GPC6: variants seen among roughly 807,000 people sequenced by gnomAD.
GPC6 encodes the protein glypican-6.
GPC6 carries 14 observed loss-of-function variants against 55.2 expected under a neutral mutation model. The observed-to-expected ratio is 0.25, with a 90% CI of 0.17 to 0.40. GPC6 has a LOEUF of 0.40. Ranked by LOEUF, GPC6 falls within the 10% of genes least tolerant of loss-of-function variation. GPC6 has a pLI of 1.00. For synonymous variants in GPC6, 278 were observed against 259.6 expected, an observed-to-expected ratio of 1.07 and a Z score of -0.68; for missense variants, 641 against 708.5, an observed-to-expected ratio of 0.90 and a Z score of 1.08.
At chr13:93,879,028 C>A (rs1287658639) in intron 3 of GPC6, among the ~76,000 whole-genome samples, 1 of 151,952 alleles carries the variant, frequency 6.6e-6, no homozygotes, top group East Asian at 1.9e-4. Flanking sequence ...AAAGTGGGAG[C>A]CAGAAGAGTA....
chr13:93,231,411 A>ATATATATATACG (rs1876051623), intron 1 of GPC6, among the ~76,000 whole-genome samples: 1 of 37,856 alleles, frequency 2.6e-5, no homozygotes, highest in Non-Finnish European at 5.0e-5. Context: ...ATATATATAT[A>ATATATATATACG]TATATATATA....
At chr13:93,508,688 C>T (rs1203102125) in intron 1 of GPC6, among the ~76,000 whole-genome samples, 1 of 152,162 alleles carries the variant, frequency 6.6e-6, no homozygotes, top group Non-Finnish European at 1.5e-5. Flanking sequence ...ATGGTGAATT[C>T]ATTCTGTTCC....
rs79738970 is a variant in GPC6, at chr13:94,086,776, C to T, written c.877+58882C>T. On this transcript the variant is annotated intron_variant, in intron 4 of 8. Transcript: ENST00000377047. ...AACACCACTAGAAAACCAAAAATCT[C>T]GATTTTTTAATAATCTTTTTAAAAA... Among the ~76,000 whole-genome samples the T allele has an allele frequency of 5.9e-3, 889 of 151,910 alleles. 6 individuals carry two copies. Among genetic ancestry groups the T allele is most frequent in the Non-Finnish European group, 9.9e-3 (670 of 68,002 alleles).
At chr13:93,984,761 A>T (rs1298504427) in intron 3 of GPC6, among the ~76,000 whole-genome samples, 2 of 152,220 alleles carry the variant, frequency 1.3e-5, no homozygotes, top group Non-Finnish European at 2.9e-5. Context: ...TAAAAGGCAT[A>T]CTTAGGAATC....
At chr13:94,394,324 G>A in intron 7 of GPC6, among the ~76,000 whole-genome samples, 1 of 152,202 alleles carries the variant, frequency 6.6e-6, no homozygotes, top group East Asian at 1.9e-4. Flanking sequence ...TCTCCAGGTT[G>A]TCCTCACTTC....
In GPC6 at chr13:94,128,517, C is replaced by T. The variant is rs554339030; in HGVS notation, c.877+100623C>T. Among the ~76,000 whole-genome samples, 17 of 152,192 alleles carry T rather than the reference C, an allele frequency of 1.1e-4. No individual in the cohort carries two copies. In the East Asian group the frequency reaches 1.4e-3, roughly 12 times the overall value. On this transcript the variant is annotated intron_variant, in intron 4 of 8. Coordinates refer to ENST00000377047, the MANE Select transcript of GPC6 (RefSeq NM_005708.5). ...TACACTTGTGTCCTCACTTTGGATC[C>T]TAGGTGACATAGCAGTTGCTGTGTG...
chr13:93,821,458 C>T (rs572473779), intron 2 of GPC6, among the ~76,000 whole-genome samples: 1 of 152,252 alleles, frequency 6.6e-6, no homozygotes, highest in Admixed American at 6.5e-5. Flanking sequence ...GAAGCATTGT[C>T]CTGGGTGCTG....
intron 4 of GPC6, among the ~76,000 whole-genome samples, chr13:94,230,361 G>A (rs572774374): frequency 3.2e-4 from 49 of 151,780 alleles, no homozygotes; most frequent in African/African-American, 1.1e-3. Context: ...CAGCCCCACA[G>A]TGGATCTCAC....
chr13:93,726,935 G>T (rs902262366), intron 2 of GPC6, among the ~76,000 whole-genome samples: 1 of 152,092 alleles, frequency 6.6e-6, no homozygotes, highest in African/African-American at 2.4e-5. Context: ...GCAGGATAAT[G>T]TTGATGAGAG....
intron 6 of GPC6, among the ~76,000 whole-genome samples, chr13:94,343,430 T>G (rs774258741): frequency 6.6e-6 from 1 of 152,146 alleles, no homozygotes; most frequent in Non-Finnish European, 1.5e-5. Context: ...CAGCACGAGG[T>G]TGTTTAGCTT....
chr13:93,538,187 G>GT (rs1882135541), intron 1 of GPC6, among the ~76,000 whole-genome samples: 1 of 152,140 alleles, frequency 6.6e-6, no homozygotes, highest in African/African-American at 2.4e-5. Flanking sequence ...TTGTTAAGCT[G>GT]TCAGGGTAAC....
intron 2 of GPC6, among the ~76,000 whole-genome samples, chr13:93,557,427 C>T (rs139314297): frequency 1.4e-4 from 21 of 152,184 alleles, no homozygotes; most frequent in South Asian, 8.3e-4. Context: ...GAAGTACTTA[C>T]GTAAATTCTT....
intron 2 of GPC6, among the ~76,000 whole-genome samples, chr13:93,813,431 A>G (rs75445929): frequency 4.6e-5 from 7 of 152,100 alleles, no homozygotes; most frequent in East Asian, 1.9e-4. Flanking sequence ...GGATAATGTA[A>G]TCTCATATTT....
intron 1 of GPC6, among the ~76,000 whole-genome samples, chr13:93,282,603 A>C (rs1178681494): frequency 6.6e-6 from 1 of 152,164 alleles, no homozygotes; most frequent in Non-Finnish European, 1.5e-5. Flanking sequence ...TAGGGAGATT[A>C]ATTTTTACTA....
At chr13:93,975,558 C>A (rs7990667) in intron 3 of GPC6, among the ~76,000 whole-genome samples, 2 of 152,018 alleles carry the variant, frequency 1.3e-5, no homozygotes, top group African/African-American at 4.8e-5. Context: ...TAAACAGGTC[C>A]AATTTTTAGA....
intron 1 of GPC6, among the ~76,000 whole-genome samples, chr13:93,472,780 A>G (rs1879169431): frequency 6.6e-6 from 1 of 152,208 alleles, no homozygotes. Flanking sequence ...GCCATTCAGT[A>G]GGTCCGAGTT....
At chr13:93,339,720 C>A (rs553000666) in intron 1 of GPC6, among the ~76,000 whole-genome samples, 1 of 152,150 alleles carries the variant, frequency 6.6e-6, no homozygotes, top group Non-Finnish European at 1.5e-5. Flanking sequence ...TTAGTGCCAA[C>A]GGCTTCCCGG....
At chr13:93,878,780 G>C (rs1286769672) in intron 3 of GPC6, among the ~76,000 whole-genome samples, 2 of 152,064 alleles carry the variant, frequency 1.3e-5, no homozygotes, top group Non-Finnish European at 2.9e-5. Context: ...CTGGTATTTT[G>C]AACTTGGACT....
intron 4 of GPC6, among the ~76,000 whole-genome samples, chr13:94,053,167 G>T (rs1158058061): frequency 6.6e-6 from 1 of 152,144 alleles, no homozygotes; most frequent in Non-Finnish European, 1.5e-5. Flanking sequence ...GAAGCTAAAT[G>T]GTTTTTGCCA....
Sources: gnomAD v4.1 joint callset for allele counts (sites outside exome capture counted in the v4.1 genomes callset) on GRCh38, gnomAD v4.1.1 for gene constraint, MANE v1.5 for transcripts, NCBI Gene and HGNC (gene_info 2026-07-23, HGNC 2026-07-21) for gene names.